Variants in KSR2 observed in about 807,000 individuals in gnomAD.
KSR2 encodes the protein kinase suppressor of ras 2.
In KSR2, 25 loss-of-function variants were observed where a neutral mutation model predicts 107.8. That is an observed-to-expected ratio of 0.23 (90% confidence interval 0.17 to 0.32). The LOEUF (loss-of-function observed/expected upper bound fraction) is 0.32. Among genes scored for constraint, KSR2 ranks in the 10% least tolerant of loss-of-function variants. The probability of loss-of-function intolerance (pLI) is 1.00; values close to 1 mark genes in which losing one functional copy is unlikely to be tolerated. For missense variants in KSR2, 887 were observed against 1,268.9 expected (o/e 0.70, Z 4.57); for synonymous variants, 480 against 507.0 (o/e 0.95, Z 0.71).
rs139632196 is a variant in KSR2 at position 117,869,374 on chromosome 12, A to T, written c.181-8943T>A. Among the ~76,000 whole-genome samples the T allele has an allele frequency of 1.0e-3, 157 of 152,276 alleles. 1 individual carries two copies. The highest frequency in any genetic ancestry group is 6.8e-3 in the Middle Eastern group (2 of 294). On this transcript the variant is annotated intron_variant, in intron 1 of 19. Coordinates refer to ENST00000339824, the MANE Select transcript of KSR2 (RefSeq NM_173598.6). ...GCGACACAGCAAGACTCCATCTCAAAAAAAAGAAAGAAACAAAGTTTGAGC... is the reference window on the plus strand; with the variant it reads ...GCGACACAGCAAGACTCCATCTCAATAAAAAGAAAGAAACAAAGTTTGAGC...
At position 117,949,018 on chromosome 12, in the gene KSR2, C is replaced by T. The variant is rs138728864; in HGVS notation, c.180+19058G>A. On this transcript the variant is annotated intron_variant, in intron 1 of 19. Transcript: ENST00000339824. ...CTGAGGCAGGAGAATCGCTTGAACC[C>T]GGAAGACTGAGGTTGCAGCGAGCTG... Among the ~76,000 whole-genome samples the T allele has an allele frequency of 8.2e-3, 1,251 of 152,182 alleles. 17 individuals carry two copies. Among genetic ancestry groups the T allele is most frequent in the African/African-American group, 0.029 (1,200 of 41,522 alleles).
At chr12:117,878,793 A>C (rs1481258092) in intron 1 of KSR2, among the ~76,000 whole-genome samples, 1 of 152,192 alleles carries the variant, frequency 6.6e-6, no homozygotes, top group African/African-American at 2.4e-5. Flanking sequence ...GCAGCTTCCC[A>C]CTTTGGCCAC....
chr12:117,924,572 C>CAAAAAAAAA (rs58789868), intron 1 of KSR2, among the ~76,000 whole-genome samples: 23 of 39,468 alleles, frequency 5.8e-4, no homozygotes, highest in South Asian at 1.2e-3. Context: ...AGCTCCATCT[C>CAAAAAAAAA]AAAAAAAAAA....
At chr12:117,887,444 G>A (rs958291219) in intron 1 of KSR2, among the ~76,000 whole-genome samples, 1 of 152,136 alleles carries the variant, frequency 6.6e-6, no homozygotes, top group African/African-American at 2.4e-5. Context: ...CAGGCCAGGA[G>A]GGAGAGGTTC....
At chr12:117,713,052 T>TAA (rs889349044) in intron 4 of KSR2, among the ~76,000 whole-genome samples, 2 of 140,158 alleles carry the variant, frequency 1.4e-5, no homozygotes, top group African/African-American at 5.7e-5. Flanking sequence ...GACAAATATA[T>TAA]AAATATATAT....
intron 7 of KSR2, among the ~76,000 whole-genome samples, chr12:117,562,409 C>G (rs888030920): frequency 4.6e-5 from 7 of 152,112 alleles, no homozygotes; most frequent in African/African-American, 1.7e-4. Flanking sequence ...AATCTGATGT[C>G]AAAGGGGAGT....
intron 3 of KSR2, among the ~76,000 whole-genome samples, chr12:117,805,061 C>A (rs150901756): frequency 4.6e-5 from 7 of 152,274 alleles, no homozygotes; most frequent in African/African-American, 1.7e-4. Context: ...GGATGTGGGA[C>A]TTTCAGTACT....
chr12:117,497,478 C>T (rs528077034), intron 14 of KSR2, among the ~76,000 whole-genome samples: 1 of 152,212 alleles, frequency 6.6e-6, no homozygotes, highest in East Asian at 1.9e-4. Flanking sequence ...TATCAAATCC[C>T]TCCACGCAGG....
At chr12:117,917,366 C>T (rs1895209189) in intron 1 of KSR2, among the ~76,000 whole-genome samples, 1 of 151,978 alleles carries the variant, frequency 6.6e-6, no homozygotes, top group Non-Finnish European at 1.5e-5. Flanking sequence ...CATAGCGAGA[C>T]CCTGTCTCTA....
At chr12:117,551,126 G>A (rs897946568) in intron 9 of KSR2, among the ~76,000 whole-genome samples, 1 of 152,172 alleles carries the variant, frequency 6.6e-6, no homozygotes, top group Admixed American at 6.5e-5. Flanking sequence ...GCTTGATGTG[G>A]AAGTACAAGG....
rs115533356 is a variant in KSR2 at position 117,897,243 on chromosome 12, G to C, written c.181-36812C>G. 6.6e-6 allele frequency among the ~76,000 whole-genome samples: 1 copy of C among 152,138 alleles called. No homozygotes were observed. Among genetic ancestry groups the C allele is most frequent in the Non-Finnish European group, 1.5e-5 (1 of 68,018 alleles). ...ATGCACATCAGAAATGATCTGGAGG[G>C]GGCAAACATGCCAGGGCAGTGGTGC... On this transcript the variant is annotated intron_variant, in intron 1 of 19. Coordinates refer to ENST00000339824, the MANE Select transcript of KSR2 (RefSeq NM_173598.6). This position sits in a 1 kb window ranked among gnomAD's most constrained non-coding sequence, Gnocchi z 4.5.
intron 3 of KSR2, among the ~76,000 whole-genome samples, chr12:117,771,312 A>G (rs530050363): frequency 5.3e-5 from 8 of 152,240 alleles, no homozygotes; most frequent in African/African-American, 1.7e-4. Flanking sequence ...TCTCTCGCCT[A>G]CCTGTGACCT....
chr12:117,548,998 C>A (rs1222742676), intron 9 of KSR2, among the ~76,000 whole-genome samples: 2 of 152,210 alleles, frequency 1.3e-5, no homozygotes, highest in Non-Finnish European at 2.9e-5. Context: ...CAGGGAACAT[C>A]TGTCCACTTG....
At chr12:117,610,468 G>A (rs1396562343) in intron 5 of KSR2, among the ~76,000 whole-genome samples, 3 of 152,086 alleles carry the variant, frequency 2.0e-5, no homozygotes, top group Non-Finnish European at 2.9e-5. Context: ...GACCAGGCAC[G>A]GTGGCTCACG....
At position 117,938,633 on chromosome 12, in the gene KSR2, C is replaced by G. The variant is rs903521981; in HGVS notation, c.180+29443G>C. On this transcript the variant is annotated intron_variant, in intron 1 of 19. Coordinates refer to ENST00000339824, the MANE Select transcript of KSR2 (RefSeq NM_173598.6). Reference sequence around the variant, plus strand: ...GGCATGGTGGTGTACCCCAATAGTCCTAACTACTCAGGAGGCTGAGGCAGG... The same window carrying G: ...GGCATGGTGGTGTACCCCAATAGTCGTAACTACTCAGGAGGCTGAGGCAGG... 2.0e-5 allele frequency among the ~76,000 whole-genome samples: 3 copies of G among 151,578 alleles called. No homozygotes were observed. The South Asian group carries it at 6.3e-4, about 32-fold the overall frequency.
rs377292771 is a variant in KSR2 at position 117,820,026 on chromosome 12, C to T, written c.472+35402G>A. 6.6e-5 allele frequency among the ~76,000 whole-genome samples: 10 copies of T among 152,200 alleles called. No individual in the cohort carries two copies. In the East Asian group the frequency reaches 1.2e-3, roughly 18 times the overall value. ...TATTGAAAAGACTCACCGGAAAATG[C>T]GAATATGAGCAAGATTATGGGTGAT... On this transcript the variant is annotated intron_variant, in intron 3 of 19. Coordinates refer to ENST00000339824, the MANE Select transcript of KSR2 (RefSeq NM_173598.6).
intron 4 of KSR2, among the ~76,000 whole-genome samples, chr12:117,714,562 ATTCTC>A (rs1886907982): frequency 6.6e-6 from 1 of 152,150 alleles, no homozygotes; most frequent in Non-Finnish European, 1.5e-5. Context: ...TGAAGCAACG[ATTCTC>A]TTCTGAGAGG....
At position 117,852,571 on chromosome 12, in the gene KSR2, C is replaced by T. The variant is rs77186104; in HGVS notation, c.472+2857G>A. On this transcript the variant is annotated intron_variant, in intron 3 of 19. Transcript: ENST00000339824. ...TCACAAAAAAATAACTATTCTTTCC[C>T]ATAAGGCTGACATAAATGCCTCTCT... Among the ~76,000 whole-genome samples, 1,492 of 152,224 alleles carry T rather than the reference C, an allele frequency of 9.8e-3. 22 individuals are homozygous for T. Among genetic ancestry groups the T allele is most frequent in the African/African-American group, 0.034 (1,394 of 41,540 alleles).
At chr12:117,815,667 A>G (rs1891340532) in intron 3 of KSR2, among the ~76,000 whole-genome samples, 1 of 152,094 alleles carries the variant, frequency 6.6e-6, no homozygotes, top group African/African-American at 2.4e-5. Context: ...GTATGGTGGG[A>G]AGGGTATAGA....
Sources: allele counts gnomAD v4.1 joint callset (sites outside exome capture counted in the v4.1 genomes callset), GRCh38; gene constraint gnomAD v4.1.1; non-coding constraint Gnocchi (gnomAD v3.1); transcripts MANE v1.5; gene names NCBI Gene and HGNC (gene_info 2026-07-23, HGNC 2026-07-21).